Variants in MTUS1 observed in about 807,000 individuals in gnomAD.
The protein encoded by MTUS1 is microtubule associated scaffold protein 1.
A neutral mutation model predicts 120.8 loss-of-function variants in MTUS1; 109 were observed. The observed-to-expected ratio is 0.90, with a 90% confidence interval of 0.77 to 1.06. The LOEUF (loss-of-function observed/expected upper bound fraction) is 1.06. Among genes scored for constraint, MTUS1 ranks in the 50% least tolerant of loss-of-function variants. The probability of loss-of-function intolerance (pLI) is 0.00; values close to 1 mark genes in which losing one functional copy is unlikely to be tolerated. For synonymous variants in MTUS1, 737 were observed against 550.5 expected (o/e 1.34, Z -4.74); for missense variants, 2,210 against 1,486.3 (o/e 1.49, Z -8.01).
rs928427116 is a variant in MTUS1 at position 17,755,055 on chromosome 8, C to T, written c.753G>A (p.Met251Ile). The change falls in exon 2 of 15, where the codon ATG becomes ATA. Residue 251 changes from methionine (M) to isoleucine (I), a missense_variant. Met to Ile is a conservative substitution (Grantham distance 10, BLOSUM62 1). Transcript: ENST00000693296. ...TATCTGAAACAAAAACCTCACTTTG[C>T]ATCACCACATCAGAAAATGCTGTGT... ...MTYTAFSDVV[M>I]QSEVFVSDIG... 1 of 1,613,646 alleles carries T rather than the reference C, an allele frequency of 6.2e-7. No homozygotes were observed. Among genetic ancestry groups the T allele is most frequent in the African/African-American group, 1.3e-5 (1 of 74,922 alleles).
chr8:17,727,544 T>G (rs779393523), intron 3 of MTUS1, among the ~76,000 whole-genome samples: 12 of 152,224 alleles, frequency 7.9e-5, no homozygotes, highest in Non-Finnish European at 1.6e-4. Context: ...GTCCCGACGT[T>G]TAGCTTAACG....
intron 3 of MTUS1, among the ~76,000 whole-genome samples, chr8:17,736,473 C>G (rs1036908053): frequency 2.6e-5 from 4 of 152,236 alleles, no homozygotes; most frequent in Non-Finnish European, 5.9e-5. Context: ...ATGCCTCCCT[C>G]CTCCCTTCCT....
chr8:17,678,618 C>T (rs1204295658), intron 7 of MTUS1, among the ~76,000 whole-genome samples: 2 of 152,070 alleles, frequency 1.3e-5, no homozygotes, highest in East Asian at 1.9e-4. Context: ...TGCATCTGAC[C>T]TCCTCCCCAT....
At chr8:17,681,383 G>A (rs558067446) in intron 7 of MTUS1, among the ~76,000 whole-genome samples, 25 of 152,298 alleles carry the variant, frequency 1.6e-4, no homozygotes, top group South Asian at 1.0e-3. Flanking sequence ...AATGGATGAC[G>A]TACAGGAAGT....
intron 6 of MTUS1, among the ~76,000 whole-genome samples, chr8:17,696,156 C>G (rs404139): frequency 0.65 from 98,275 of 151,782 alleles, 32,589 homozygotes; most frequent in Middle Eastern, 0.75. Context: ...CTGCTGACCT[C>G]CTCCTCGCTG....
chr8:17,776,181 C>T (rs944931434), intron 1 of MTUS1, among the ~76,000 whole-genome samples: 2 of 151,956 alleles, frequency 1.3e-5, no homozygotes, highest in Non-Finnish European at 2.9e-5. Context: ...TATAACATAA[C>T]TAGTATAAAT....
intron 1 of MTUS1, among the ~76,000 whole-genome samples, chr8:17,767,700 TAAAAAAAAAA>T (rs112048837): frequency 1.1e-5 from 1 of 87,888 alleles, no homozygotes; most frequent in Admixed American, 1.2e-4. Flanking sequence ...CCCTGTCTCT[TAAAAAAAAAA>T]AAAAAAAACG....
Position 17,754,280 on chromosome 8 carries a change from C to T in MTUS1, c.1528G>A (p.Val510Ile), listed in dbSNP as rs182786486. The T allele has an allele frequency of 3.4e-4, 556 of 1,614,068 alleles. No homozygotes were observed. The African/African-American group carries it at 6.8e-3, about 20-fold the overall frequency. ...ISYPRPNFKN[V>I]KAKVMSRAVL... ...GCTCTAGACATAACTTTTGCTTTGA[C>T]ATTCTTGAAGTTTGGTCTTGGGTAA... Residue 510 changes from valine (V) to isoleucine (I), a missense_variant, in exon 2 of 15, where the codon GTC becomes ATC. Transcript: ENST00000693296.
intron 5 of MTUS1, among the ~76,000 whole-genome samples, chr8:17,714,704 T>TAAAAAAAGTC: frequency 6.6e-6 from 1 of 152,058 alleles, no homozygotes; most frequent in South Asian, 2.1e-4. Context: ...AACATATACA[T>TAAAAAAAGTC]ACAGAGGAAA....
At chr8:17,744,153 T>G (rs1246805471) in intron 2 of MTUS1, among the ~76,000 whole-genome samples, 2 of 152,224 alleles carry the variant, frequency 1.3e-5, no homozygotes, top group East Asian at 3.8e-4. Context: ...TTAACACATT[T>G]TGAAATGGCC....
intron 1 of MTUS1, among the ~76,000 whole-genome samples, chr8:17,767,526 A>G (rs949595892): frequency 7.8e-6 from 1 of 127,702 alleles, no homozygotes; most frequent in South Asian, 2.3e-4. Context: ...GCAAAACCCC[A>G]TCTCTTTAAA....
chr8:17,711,525 G>A (rs1218397129), intron 6 of MTUS1, among the ~76,000 whole-genome samples: 1 of 152,120 alleles, frequency 6.6e-6, no homozygotes, highest in Non-Finnish European at 1.5e-5. Flanking sequence ...TCTCACTCTG[G>A]ATTAGGCTTT....
intron 1 of MTUS1, among the ~76,000 whole-genome samples, chr8:17,756,676 C>CCCCCCG (rs56822917): frequency 5.0e-4 from 31 of 62,430 alleles, no homozygotes; most frequent in Admixed American, 3.8e-3. Context: ...CCCAAACCCC[C>CCCCCCG]ACCCCTTATG....
chr8:17,675,066 G>C, intron 8 of MTUS1, 120 bp downstream of exon 8: 1 of 1,543,024 alleles, frequency 6.5e-7, no homozygotes, highest in South Asian at 1.3e-5. Context: ...CCAGATACTA[G>C]ACAGGGAGTG....
chr8:17,666,207 T>A (rs1000202940), intron 8 of MTUS1, among the ~76,000 whole-genome samples: 2 of 150,568 alleles, frequency 1.3e-5, no homozygotes, highest in African/African-American at 4.9e-5. Flanking sequence ...TCTGACAATA[T>A]GTTCTAAGAT....
At chr8:17,760,456 G>A (rs1255765988) in intron 1 of MTUS1, among the ~76,000 whole-genome samples, 1 of 152,078 alleles carries the variant, frequency 6.6e-6, no homozygotes, top group African/African-American at 2.4e-5. Flanking sequence ...CACCATTCAT[G>A]AAAAGAAAAC....
Position 17,658,056 on chromosome 8 carries a change from CACACAG to C in MTUS1, c.2906-1997_2906-1992del, listed in dbSNP as rs1266527722. Among the ~76,000 whole-genome samples the C allele has an allele frequency of 1.8e-3, 259 of 146,068 alleles. 4 individuals are homozygous for C. Among genetic ancestry groups the C allele is most frequent in the African/African-American group, 6.3e-3 (248 of 39,280 alleles). On this transcript the variant is annotated intron_variant, in intron 8 of 14. Coordinates refer to ENST00000693296, the MANE Select transcript of MTUS1 (RefSeq NM_001363059.2). ...ACACACACACACACACACACACACACACACAGAGTCTTGCTGTATTGCCCAGGCTGA... is the reference window on the plus strand; with the variant it reads ...ACACACACACACACACACACACACACAGTCTTGCTGTATTGCCCAGGCTGA...
intron 6 of MTUS1, among the ~76,000 whole-genome samples, chr8:17,687,550 C>T (rs982021236): frequency 6.6e-6 from 1 of 152,154 alleles, no homozygotes; most frequent in African/African-American, 2.4e-5. Context: ...ATTTTGTTTA[C>T]TGTACCTATT....
Position 17,754,907 on chromosome 8 carries a change from C to T in MTUS1, c.901G>A (p.Val301Ile), listed in dbSNP as rs578011378. ...ALTPVSDGME[V>I]PNDSALQEFF... is the part of the protein sequence containing the mutation. ...TCTTGTAATGCAGAATCATTGGGGA[C>T]TTCCATGCCATCAGAAACTGGTGTT... Residue 301 changes from valine (V) to isoleucine (I), a missense_variant, in exon 2 of 15, where the codon GTC becomes ATC. Coordinates refer to ENST00000693296, the MANE Select transcript of MTUS1 (RefSeq NM_001363059.2). The T allele has an allele frequency of 2.5e-6, 4 of 1,614,234 alleles. No homozygotes were observed. The highest frequency in any genetic ancestry group is 1.7e-5 in the Admixed American group (1 of 60,030).
Sources: allele counts gnomAD v4.1 joint callset (sites outside exome capture counted in the v4.1 genomes callset), GRCh38; gene constraint gnomAD v4.1.1; transcripts MANE v1.5; gene names NCBI Gene and HGNC (gene_info 2026-07-23, HGNC 2026-07-21).